Variants in TIAM2 observed in about 807,000 individuals in gnomAD.
TIAM2 encodes the protein TIAM Rac1 associated GEF 2, also known as rho guanine nucleotide exchange factor TIAM2.
A neutral mutation model predicts 152.9 loss-of-function variants in TIAM2; 80 were observed. The observed-to-expected ratio is 0.52, with a 90% CI of 0.44 to 0.63. The LOEUF is 0.63. TIAM2 is among the 30% of genes least tolerant of loss of function. The pLI is 0.00. For missense variants in TIAM2, 1,965 were observed against 2,120.1 expected, an observed-to-expected ratio of 0.93 and a Z score of 1.44; for synonymous variants, 804 against 838.0, an observed-to-expected ratio of 0.96 and a Z score of 0.70.
rs183023671 is a variant in TIAM2 at position 155,218,535 on chromosome 6, A to C, written c.3168+7228A>C. 3.9e-5 allele frequency among the ~76,000 whole-genome samples: 6 copies of C among 152,342 alleles called. No individual in the cohort carries two copies. Among genetic ancestry groups the C allele is most frequent in the East Asian group, 1.9e-4 (1 of 5,188 alleles). On this transcript the variant is annotated intron_variant, in intron 15 of 26. Transcript: ENST00000682666. This position sits in a 1 kb window ranked among gnomAD's most constrained non-coding sequence, Gnocchi z 4.5. The stretch of plus-strand genomic sequence containing the variant: ...GTGTCCTCCTCTATGAATAAACATA[A>C]CACCACCACCAACCCAGTGTTGTCA...
At chr6:155,134,045 A>G (rs1779503527) in intron 4 of TIAM2, among the ~76,000 whole-genome samples, 1 of 151,224 alleles carries the variant, frequency 6.6e-6, no homozygotes, top group Non-Finnish European at 1.5e-5. Context: ...ACTCATCTCC[A>G]CTCTGCTGTA....
chr6:155,133,824 C>T (rs1005881484), intron 4 of TIAM2, among the ~76,000 whole-genome samples: 5 of 152,062 alleles, frequency 3.3e-5, no homozygotes, highest in Admixed American at 6.6e-5. Context: ...AGCGATTCTC[C>T]TGCCTCAGCG....
intron 15 of TIAM2, among the ~76,000 whole-genome samples, chr6:155,238,055 A>G (rs949472020): frequency 6.6e-6 from 1 of 152,216 alleles, no homozygotes; most frequent in African/African-American, 2.4e-5. Context: ...CCTCCTCTAT[A>G]AGGCTGAATG....
intron 14 of TIAM2, among the ~76,000 whole-genome samples, chr6:155,189,870 G>T (rs1245328778): frequency 6.6e-6 from 1 of 152,184 alleles, no homozygotes; most frequent in Non-Finnish European, 1.5e-5. Flanking sequence ...AGAAGGGTTT[G>T]TGTTTGATCT....
At chr6:155,117,646 T>C (rs1440936354) in intron 2 of TIAM2, among the ~76,000 whole-genome samples, 1 of 152,214 alleles carries the variant, frequency 6.6e-6, no homozygotes, top group Non-Finnish European at 1.5e-5. Flanking sequence ...TTTCACCATG[T>C]TGATCGGGCT....
intron 15 of TIAM2, among the ~76,000 whole-genome samples, chr6:155,222,537 G>A (rs926015285): frequency 1.3e-5 from 2 of 151,512 alleles, no homozygotes; most frequent in Admixed American, 6.6e-5. Context: ...GGAGGCAGAG[G>A]TTGCAGTGAG....
At chr6:155,227,261 T>G (rs1782281989) in intron 15 of TIAM2, among the ~76,000 whole-genome samples, 1 of 152,208 alleles carries the variant, frequency 6.6e-6, no homozygotes, top group Admixed American at 6.5e-5. Context: ...AAATAAAGAC[T>G]AGGCATGCGG....
intron 1 of TIAM2, among the ~76,000 whole-genome samples, chr6:155,042,902 A>G (rs1228805557): frequency 6.6e-6 from 1 of 152,156 alleles, no homozygotes; most frequent in Admixed American, 6.5e-5. Context: ...TTTGAGCACC[A>G]TCTCCTCAAT....
intron 1 of TIAM2, among the ~76,000 whole-genome samples, chr6:155,066,375 G>T (rs116232660): frequency 6.6e-6 from 1 of 152,202 alleles, no homozygotes; most frequent in Admixed American, 6.5e-5. Context: ...CACATTACAT[G>T]TGAGTCTGTG....
At chr6:155,243,789 G>T (rs112806545) in intron 16 of TIAM2, among the ~76,000 whole-genome samples, 7,377 of 134,510 alleles carry the variant, frequency 0.055, 249 homozygotes, top group East Asian at 0.22. Context: ...AGAGGTTGCA[G>T]TGAGCTGAGA....
At chr6:155,230,042 C>T (rs1264718873) in intron 15 of TIAM2, among the ~76,000 whole-genome samples, 1 of 152,032 alleles carries the variant, frequency 6.6e-6, no homozygotes, top group East Asian at 1.9e-4. Flanking sequence ...GGTGGGGACA[C>T]AGAGCCAAAC....
chr6:155,162,091 G>T (rs1335550422), intron 7 of TIAM2, among the ~76,000 whole-genome samples: 1 of 152,048 alleles, frequency 6.6e-6, no homozygotes, highest in East Asian at 1.9e-4. Flanking sequence ...TCAAGTAGCT[G>T]GGACTACAGG....
intron 1 of TIAM2, among the ~76,000 whole-genome samples, chr6:155,084,929 C>G (rs17798743): frequency 0.027 from 4,173 of 152,168 alleles, 183 homozygotes; most frequent in Admixed American, 0.13. Context: ...GTAGTCTTAC[C>G]TAATGCCTTG....
chr6:155,025,476 C>T lies in TIAM2; in HGVS notation c.-209+29984C>T, dbSNP rs149958698. On this transcript the variant is annotated intron_variant, in intron 1 of 26. Transcript: ENST00000682666. ...GATTACAGGCATGAGCCACCGCGCC[C>T]GGCCTAATTTTTGTATTTTTTTAGT... 8.7e-4 allele frequency among the ~76,000 whole-genome samples: 132 copies of T among 152,112 alleles called. 3 individuals are homozygous for T. The highest frequency in any genetic ancestry group is 3.1e-3 in the African/African-American group (127 of 41,502).
chr6:155,127,269 C>G (rs1019735287), intron 2 of TIAM2, among the ~76,000 whole-genome samples: 1 of 152,124 alleles, frequency 6.6e-6, no homozygotes, highest in African/African-American at 2.4e-5. Context: ...TGACTGCAGA[C>G]TGGGTGTTGA....
chr6:155,230,859 A>T (rs896419562), intron 15 of TIAM2, among the ~76,000 whole-genome samples: 4 of 145,226 alleles, frequency 2.8e-5, no homozygotes, highest in African/African-American at 5.1e-5. Flanking sequence ...TTTGAGATGG[A>T]GTCTCGCTCT....
chr6:155,221,260 T>G (rs1782036525), intron 15 of TIAM2, among the ~76,000 whole-genome samples: 1 of 151,646 alleles, frequency 6.6e-6, no homozygotes, highest in Non-Finnish European at 1.5e-5. Flanking sequence ...TGCGCTGGGG[T>G]GGGCTGGAGG....
At chr6:155,062,922 A>C (rs571834069) in intron 1 of TIAM2, among the ~76,000 whole-genome samples, 1 of 152,218 alleles carries the variant, frequency 6.6e-6, no homozygotes. Flanking sequence ...AATGACATTG[A>C]GCACCTTTTC....
At chr6:155,203,928 G>A (rs1312435950) in intron 14 of TIAM2, among the ~76,000 whole-genome samples, 1 of 152,144 alleles carries the variant, frequency 6.6e-6, no homozygotes, top group African/African-American at 2.4e-5. Context: ...TCCTGGCCAC[G>A]GGGAGGGGCA....
Sources: gnomAD v4.1 joint callset for allele counts (sites outside exome capture counted in the v4.1 genomes callset) on GRCh38, gnomAD v4.1.1 for gene constraint, Gnocchi (gnomAD v3.1) non-coding constraint, MANE v1.5 for transcripts, NCBI Gene and HGNC (gene_info 2026-07-23, HGNC 2026-07-21) for gene names.